FARS2: variants seen among roughly 807,000 people sequenced by gnomAD.
FARS2 encodes phenylalanine--tRNA ligase, mitochondrial.
In FARS2, 40 loss-of-function variants were observed where a neutral mutation model predicts 46.4. That is an observed-to-expected ratio of 0.86 (90% CI 0.67 to 1.12). FARS2 has a LOEUF of 1.12. Ranked by LOEUF, FARS2 falls within the 50% of genes most tolerant of loss-of-function variation. The pLI, the probability that FARS2 is intolerant of heterozygous loss-of-function variation, is 0.00. For synonymous variants in FARS2, 234 were observed against 214.9 expected (o/e 1.09, Z -0.78); for missense variants, 513 against 567.9 (o/e 0.90, Z 0.98).
At chr6:5,640,197 C>T (rs1776745739) in intron 6 of FARS2, among the ~76,000 whole-genome samples, 1 of 151,810 alleles carries the variant, frequency 6.6e-6, no homozygotes, top group Non-Finnish European at 1.5e-5. Context: ...TGCCTGGATG[C>T]ACACGTGTAC....
rs557670752 is a variant in FARS2 at position 5,266,629 on chromosome 6, G to C, written c.-22+4969G>C. On this transcript the variant is annotated intron_variant, in intron 1 of 6. Transcript: ENST00000274680. ...ATCTGTCTAGCTATGATACAACACTGCTTCACAGATAAAGTACCAGCTTCA... is the reference window on the plus strand; with the variant it reads ...ATCTGTCTAGCTATGATACAACACTCCTTCACAGATAAAGTACCAGCTTCA... Among the ~76,000 whole-genome samples, 20 of 152,302 alleles carry C rather than the reference G, an allele frequency of 1.3e-4. No homozygotes were observed. In the South Asian group the frequency reaches 4.2e-3, roughly 32 times the overall value.
chr6:5,710,045 AG>A (rs1175122678), intron 6 of FARS2, among the ~76,000 whole-genome samples: 1 of 152,184 alleles, frequency 6.6e-6, no homozygotes, highest in East Asian at 1.9e-4. Flanking sequence ...TGGCCAACGC[AG>A]ACCCTTGTCT....
Position 5,630,037 on chromosome 6 carries a change from AC to A in FARS2, c.1217+16720del, listed in dbSNP as rs1776229248. Among the ~76,000 whole-genome samples, 1 of 152,126 alleles carries A rather than the reference AC, an allele frequency of 6.6e-6. No individual in the cohort carries two copies. Among genetic ancestry groups the A allele is most frequent in the African/African-American group, 2.4e-5 (1 of 41,430 alleles). Reference sequence around the variant, plus strand: ...TTGAGGCAGGACACAGGGGAATGTTACCCTAAGAGCTCAGCAGAGAGAGGCC... The same window carrying A: ...TTGAGGCAGGACACAGGGGAATGTTACCTAAGAGCTCAGCAGAGAGAGGCC... On this transcript the variant is annotated intron_variant, in intron 6 of 6. Coordinates refer to ENST00000274680, the MANE Select transcript of FARS2 (RefSeq NM_006567.5). The surrounding 1 kb of genome is among the most constrained non-coding windows in gnomAD (Gnocchi z 4.2).
intron 4 of FARS2, among the ~76,000 whole-genome samples, chr6:5,481,615 G>A (rs1301155390): frequency 6.6e-6 from 1 of 152,128 alleles, no homozygotes; most frequent in African/African-American, 2.4e-5. Context: ...TTTCTATCCC[G>A]AGGCCCTTGT....
In FARS2 at chr6:5,588,696, A is replaced by T. The variant is rs143941835; in HGVS notation, c.1066-24473A>T. The stretch of plus-strand genomic sequence containing the variant: ...TTTCCATCATAGGACTCTTTCTCCA[A>T]GTGCTTCCTAACCAGTAATCACCGT... On this transcript the variant is annotated intron_variant, in intron 5 of 6. Coordinates refer to ENST00000274680, the MANE Select transcript of FARS2 (RefSeq NM_006567.5). Among the ~76,000 whole-genome samples the T allele has an allele frequency of 5.5e-4, 83 of 152,268 alleles. 3 individuals carry two copies. In the East Asian group the frequency reaches 0.014, roughly 27 times the overall value.
chr6:5,342,570 T>A (rs1041457789), intron 1 of FARS2, among the ~76,000 whole-genome samples: 13 of 151,798 alleles, frequency 8.6e-5, no homozygotes, highest in African/African-American at 2.9e-4. Flanking sequence ...CTGACCAACA[T>A]GGAAAAACCC....
At chr6:5,709,793 G>A (rs1053889450) in intron 6 of FARS2, among the ~76,000 whole-genome samples, 7 of 151,942 alleles carry the variant, frequency 4.6e-5, no homozygotes, top group African/African-American at 1.7e-4. Flanking sequence ...TGGAGCTGAA[G>A]GAAAGATACT....
intron 4 of FARS2, among the ~76,000 whole-genome samples, chr6:5,445,013 T>C (rs1286264695): frequency 6.6e-6 from 1 of 152,230 alleles, no homozygotes; most frequent in East Asian, 1.9e-4. Flanking sequence ...TATATAATTT[T>C]CAGATTTCAT....
chr6:5,638,085 G>C (rs1008934208), intron 6 of FARS2, among the ~76,000 whole-genome samples: 2 of 152,178 alleles, frequency 1.3e-5, no homozygotes, highest in Non-Finnish European at 2.9e-5. Flanking sequence ...TTGGAACAGC[G>C]ACTTCTGCCT....
At chr6:5,730,368 G>A (rs1760545735) in intron 6 of FARS2, among the ~76,000 whole-genome samples, 1 of 152,216 alleles carries the variant, frequency 6.6e-6, no homozygotes. Context: ...TTGGGGGAAG[G>A]TACTTGGGAG....
At chr6:5,310,687 C>T (rs556784147) in intron 1 of FARS2, among the ~76,000 whole-genome samples, 5 of 152,256 alleles carry the variant, frequency 3.3e-5, no homozygotes, top group Admixed American at 6.5e-5. Flanking sequence ...ATTTTTGACC[C>T]GTTTGGCAAA....
intron 6 of FARS2, among the ~76,000 whole-genome samples, chr6:5,709,733 T>TGGA (rs149822724): frequency 7.8e-6 from 1 of 128,768 alleles, no homozygotes; most frequent in African/African-American, 2.9e-5. Context: ...GGTGGGGTTG[T>TGGA]GTGTGTGTGT....
At chr6:5,715,180 T>C (rs1759423032) in intron 6 of FARS2, among the ~76,000 whole-genome samples, 1 of 152,098 alleles carries the variant, frequency 6.6e-6, no homozygotes. Context: ...TTCAGACTGG[T>C]TAAATATCTT....
At chr6:5,389,425 C>G (rs1244088168) in intron 2 of FARS2, among the ~76,000 whole-genome samples, 1 of 152,168 alleles carries the variant, frequency 6.6e-6, no homozygotes, top group Non-Finnish European at 1.5e-5. Context: ...TTCATGTACT[C>G]AATCTGTCTA....
chr6:5,672,250 G>T (rs1778510644), intron 6 of FARS2, among the ~76,000 whole-genome samples: 1 of 152,104 alleles, frequency 6.6e-6, no homozygotes, highest in African/African-American at 2.4e-5. Flanking sequence ...ACACCCACCC[G>T]TGCCTGTGGT....
chr6:5,540,214 C>G (rs996460280), intron 4 of FARS2, among the ~76,000 whole-genome samples: 2 of 152,114 alleles, frequency 1.3e-5, no homozygotes, highest in Non-Finnish European at 2.9e-5. Flanking sequence ...TATGATAATT[C>G]GATTTTGGAC....
At position 5,620,753 on chromosome 6, in the gene FARS2, A is replaced by G. The variant is rs1775729877; in HGVS notation, c.1217+7433A>G. Among the ~76,000 whole-genome samples the G allele has an allele frequency of 2.0e-5, 3 of 152,174 alleles. No individual in the cohort carries two copies. In the South Asian group the frequency reaches 6.2e-4, roughly 32 times the overall value. ...TTGTGTTATTCTGATGGTCTCAACA[A>G]AGGGACCGGATTAGCCCAACTCAAC... On this transcript the variant is annotated intron_variant, in intron 6 of 6. Transcript: ENST00000274680.
chr6:5,414,264 T>C (rs1244171073), intron 3 of FARS2, among the ~76,000 whole-genome samples: 2 of 152,238 alleles, frequency 1.3e-5, no homozygotes, highest in Non-Finnish European at 2.9e-5. Context: ...TTTATTGAAT[T>C]ATAATGGGCT....
At chr6:5,503,628 G>C (rs1767938208) in intron 4 of FARS2, among the ~76,000 whole-genome samples, 1 of 151,982 alleles carries the variant, frequency 6.6e-6, no homozygotes, top group African/African-American at 2.4e-5. Context: ...ATTGAGTATA[G>C]AATGTACATA....
Sources: allele counts gnomAD v4.1 joint callset (sites outside exome capture counted in the v4.1 genomes callset), GRCh38; gene constraint gnomAD v4.1.1; non-coding constraint Gnocchi (gnomAD v3.1); transcripts MANE v1.5; gene names NCBI Gene and HGNC (gene_info 2026-07-23, HGNC 2026-07-21).